Variants in NIBAN1 observed in about 807,000 individuals in gnomAD.
The protein encoded by NIBAN1 is protein Niban 1.
NIBAN1 carries 81 observed loss-of-function variants against 75.1 expected under a neutral mutation model. That is an observed-to-expected ratio of 1.08 (90% CI 0.90 to 1.30). The LOEUF is 1.30. Among genes scored for constraint, NIBAN1 ranks in the 50% most tolerant of loss-of-function variants. The pLI is 0.00. For missense variants in NIBAN1, 1,133 were observed against 1,128.1 expected, an observed-to-expected ratio of 1.00 and a Z score of -0.06; for synonymous variants, 436 against 424.8, an observed-to-expected ratio of 1.03 and a Z score of -0.32.
At chr1:184,905,172 G>A (rs543654955) in intron 1 of NIBAN1, among the ~76,000 whole-genome samples, 1 of 152,166 alleles carries the variant, frequency 6.6e-6, no homozygotes, top group South Asian at 2.1e-4. Context: ...GGGCTGATGG[G>A]GCAGAACAGG....
intron 7 of NIBAN1, 57 bp from the exon 8 acceptor site, chr1:184,823,386 G>A (rs1654757058): frequency 6.3e-7 from 1 of 1,589,912 alleles, no homozygotes; most frequent in Middle Eastern, 1.7e-4. Context: ...CACTGATGGA[G>A]TCAAGTGGAG....
At chr1:184,872,999 T>TGAAAG (rs1219308135) in intron 5 of NIBAN1, among the ~76,000 whole-genome samples, 2 of 152,172 alleles carry the variant, frequency 1.3e-5, no homozygotes, top group Admixed American at 6.5e-5. Flanking sequence ...CAAATTACCT[T>TGAAAG]GAAAGGAACA....
chr1:184,918,164 TCAGAATCATCCTTTTGGA>T (rs1657442820), intron 1 of NIBAN1, among the ~76,000 whole-genome samples: 1 of 152,184 alleles, frequency 6.6e-6, no homozygotes, highest in Non-Finnish European at 1.5e-5. Context: ...AGTAGAAACC[TCAGAATCATCCTTTTGGA>T]TCTCCTCCTC....
At chr1:184,879,925 G>A (rs1236853765) in intron 5 of NIBAN1, among the ~76,000 whole-genome samples, 1 of 152,178 alleles carries the variant, frequency 6.6e-6, no homozygotes, top group Admixed American at 6.5e-5. Flanking sequence ...TCTTTATATT[G>A]TTGTGGTCTT....
At chr1:184,840,863 G>T (rs1571509420) in intron 5 of NIBAN1, among the ~76,000 whole-genome samples, 1 of 151,902 alleles carries the variant, frequency 6.6e-6, no homozygotes, top group Admixed American at 6.6e-5. Context: ...CAAATCATGG[G>T]TGCTGGGTAA....
intron 1 of NIBAN1, among the ~76,000 whole-genome samples, chr1:184,924,818 A>G (rs1428891241): frequency 6.6e-6 from 1 of 152,166 alleles, no homozygotes; most frequent in Non-Finnish European, 1.5e-5. Context: ...TTATTGACAT[A>G]TAGTTAGCCA....
At chr1:184,910,005 ACTATGTAGATAGTACATTCT>A (rs1248526112) in intron 1 of NIBAN1, among the ~76,000 whole-genome samples, 1 of 152,218 alleles carries the variant, frequency 6.6e-6, no homozygotes. Context: ...AATAGTATTG[ACTATGTAGATAGTACATTCT>A]TTAAAATCAC....
intron 9 of NIBAN1, among the ~76,000 whole-genome samples, chr1:184,815,267 A>C (rs1654494782): frequency 6.6e-6 from 1 of 152,212 alleles, no homozygotes; most frequent in South Asian, 2.1e-4. Flanking sequence ...TTTATGGTTC[A>C]CTGAGGACAA....
intron 11 of NIBAN1, among the ~76,000 whole-genome samples, chr1:184,804,922 A>G (rs1173954153): frequency 6.6e-6 from 1 of 151,782 alleles, no homozygotes; most frequent in Non-Finnish European, 1.5e-5. Flanking sequence ...CCGAGTAGCT[A>G]GGACTACAGG....
intron 1 of NIBAN1, among the ~76,000 whole-genome samples, chr1:184,948,204 T>C (rs1365731049): frequency 2.6e-5 from 4 of 152,324 alleles, no homozygotes; most frequent in South Asian, 2.1e-4. Context: ...TAGATATATA[T>C]GGTACTTAGA....
chr1:184,830,361 A>G (rs943427854), intron 6 of NIBAN1, among the ~76,000 whole-genome samples: 1 of 152,234 alleles, frequency 6.6e-6, no homozygotes, highest in Non-Finnish European at 1.5e-5. Flanking sequence ...GCATAAGTAC[A>G]TAACTATTTA....
intron 1 of NIBAN1, among the ~76,000 whole-genome samples, chr1:184,963,297 C>CT (rs1658698657): frequency 6.6e-6 from 1 of 151,864 alleles, no homozygotes. Flanking sequence ...GGGGAGTATC[C>CT]TTAAGCTAAA....
chr1:184,798,192 T>C lies in NIBAN1; in HGVS notation c.1555-2A>G, dbSNP rs779954800. 4 of 1,582,876 alleles carry C rather than the reference T, an allele frequency of 2.5e-6. No individual in the cohort carries two copies. Among genetic ancestry groups the C allele is most frequent in the Admixed American group, 1.7e-5 (1 of 59,492 alleles). On this transcript the variant is annotated splice_acceptor_variant, in intron 12 of 13. Coordinates refer to ENST00000367511, the MANE Select transcript of NIBAN1 (RefSeq NM_052966.4). LOFTEE classifies it high-confidence loss of function. ...GAACTGCTCGTATTTCTGAAGCTCC[T>C]GGAGAGCAAGAGATTAGAAGATAAA...
intron 4 of NIBAN1, among the ~76,000 whole-genome samples, chr1:184,887,116 A>C (rs553089009): frequency 2.9e-4 from 44 of 152,248 alleles, no homozygotes; most frequent in African/African-American, 9.9e-4. Context: ...GCGAAACTCC[A>C]TCTCAAAATC....
chr1:184,958,170 C>T (rs1450518111), intron 1 of NIBAN1, among the ~76,000 whole-genome samples: 1 of 152,102 alleles, frequency 6.6e-6, no homozygotes, highest in Non-Finnish European at 1.5e-5. Flanking sequence ...AGTTCAAGAC[C>T]AGCCTGGCCA....
intron 1 of NIBAN1, among the ~76,000 whole-genome samples, chr1:184,912,138 T>C (rs1428136460): frequency 6.6e-6 from 1 of 152,206 alleles, no homozygotes; most frequent in Non-Finnish European, 1.5e-5. Context: ...CACATTATGA[T>C]ATATAGCTCA....
intron 5 of NIBAN1, among the ~76,000 whole-genome samples, chr1:184,857,589 C>T (rs527976474): frequency 5.1e-4 from 77 of 152,094 alleles, no homozygotes; most frequent in African/African-American, 1.2e-3. Flanking sequence ...AAGTATTATA[C>T]GACTGAATTG....
intron 3 of NIBAN1, 33 bp downstream of exon 3, chr1:184,894,042 G>GTT: frequency 6.4e-7 from 1 of 1,574,752 alleles, no homozygotes; most frequent in Non-Finnish European, 8.6e-7. Flanking sequence ...TAAGAACAGT[G>GTT]TAAGAATCAG....
chr1:184,931,982 T>C (rs1439166746), intron 1 of NIBAN1, among the ~76,000 whole-genome samples: 1 of 152,260 alleles, frequency 6.6e-6, no homozygotes, highest in East Asian at 1.9e-4. Flanking sequence ...TCTCATATAC[T>C]GCCCAGCTAT....
Sources: gnomAD v4.1 joint callset for allele counts (sites outside exome capture counted in the v4.1 genomes callset) on GRCh38, gnomAD v4.1.1 for gene constraint, MANE v1.5 for transcripts, NCBI Gene and HGNC (gene_info 2026-07-23, HGNC 2026-07-21) for gene names.